Variants in PDE4B observed in about 807,000 individuals in gnomAD.
The protein encoded by PDE4B is phosphodiesterase 4B.
A neutral mutation model predicts 82.2 loss-of-function variants in PDE4B; 20 were observed. The observed-to-expected ratio is 0.24, with a 90% CI of 0.17 to 0.35. The LOEUF (loss-of-function observed/expected upper bound fraction) is 0.35. Among genes scored for constraint, PDE4B ranks in the 10% least tolerant of loss-of-function variants. PDE4B has a pLI of 1.00. For missense variants in PDE4B, 655 were observed against 907.2 expected (o/e 0.72, Z 3.57); for synonymous variants, 320 against 318.9 (o/e 1.00, Z -0.04).
chr1:65,910,064 G>A (rs924392575), intron 1 of PDE4B, among the ~76,000 whole-genome samples: 1 of 152,160 alleles, frequency 6.6e-6, no homozygotes, highest in Admixed American at 6.5e-5. Flanking sequence ...ATGCCTTTGG[G>A]CAGGCTTCAT....
chr1:66,271,388 C>A lies in PDE4B; in HGVS notation c.634+5301C>A, dbSNP rs560346033. ...ACTGCTGAGAAACAACATCCACCCA[C>A]CCTCCCCTTGAAAGTTGGAATCATG... On this transcript the variant is annotated intron_variant, in intron 7 of 16. Transcript: ENST00000341517. Among the ~76,000 whole-genome samples, 7 of 152,350 alleles carry A rather than the reference C, an allele frequency of 4.6e-5. No individual in the cohort carries two copies. The South Asian group carries it at 1.4e-3, about 32-fold the overall frequency.
intron 3 of PDE4B, among the ~76,000 whole-genome samples, chr1:66,033,968 C>T (rs1189704165): frequency 6.6e-6 from 1 of 152,156 alleles, no homozygotes; most frequent in African/African-American, 2.4e-5. Context: ...ATACAGGTCT[C>T]AGCCACACCC....
At chr1:66,227,130 G>T (rs1180860458) in intron 3 of PDE4B, among the ~76,000 whole-genome samples, 2 of 152,228 alleles carry the variant, frequency 1.3e-5, no homozygotes, top group Non-Finnish European at 2.9e-5. Flanking sequence ...GTTGGGAAAA[G>T]AAATAATTCT....
chr1:66,099,940 C>T, intron 3 of PDE4B, among the ~76,000 whole-genome samples: 1 of 152,116 alleles, frequency 6.6e-6, no homozygotes. Context: ...TCAAGCCCTT[C>T]CTTTAACATC....
intron 3 of PDE4B, among the ~76,000 whole-genome samples, chr1:66,170,111 G>T (rs2101330198): frequency 6.6e-6 from 1 of 152,290 alleles, no homozygotes; most frequent in South Asian, 2.1e-4. Context: ...AAGTCCCTAG[G>T]TGTGGGATAT....
chr1:66,288,179 C>A (rs189187741), intron 7 of PDE4B, among the ~76,000 whole-genome samples: 2 of 151,964 alleles, frequency 1.3e-5, no homozygotes, highest in Non-Finnish European at 2.9e-5. Flanking sequence ...GAAGGGGAAG[C>A]AGGCATGACA....
In PDE4B at chr1:65,924,032, G is replaced by A. The variant is rs570726213; in HGVS notation, c.281+5197G>A. ...ATTTTTTTCTCATTTTGTCTTTCTG[G>A]GCTGCATTCTGATAATTGTTTCTAA... On this transcript the variant is annotated intron_variant, in intron 3 of 16. Transcript: ENST00000341517. Among the ~76,000 whole-genome samples, 8 of 147,882 alleles carry A rather than the reference G, an allele frequency of 5.4e-5. No individual in the cohort carries two copies. The East Asian group carries it at 1.6e-3, about 29-fold the overall frequency.
chr1:65,886,827 C>T (rs763582174), intron 1 of PDE4B, among the ~76,000 whole-genome samples: 9 of 152,076 alleles, frequency 5.9e-5, no homozygotes, highest in South Asian at 4.1e-4. Context: ...AACAATGCAG[C>T]GATAAACATG....
At chr1:66,060,277 T>A (rs890271070) in intron 3 of PDE4B, among the ~76,000 whole-genome samples, 7 of 152,196 alleles carry the variant, frequency 4.6e-5, no homozygotes, top group African/African-American at 1.4e-4. Flanking sequence ...CTTTCGGTAT[T>A]GTGCAAAAAG....
chr1:65,963,444 A>AC (rs1405891559), intron 3 of PDE4B, among the ~76,000 whole-genome samples: 1 of 152,100 alleles, frequency 6.6e-6, no homozygotes, highest in Non-Finnish European at 1.5e-5. Context: ...CCCTCATTGC[A>AC]CCCCTGCAGC....
chr1:66,158,432 G>A (rs575083113), intron 3 of PDE4B, among the ~76,000 whole-genome samples: 1 of 152,230 alleles, frequency 6.6e-6, no homozygotes, highest in African/African-American at 2.4e-5. Flanking sequence ...ATCACTAATT[G>A]TCAGGGAAAT....
intron 3 of PDE4B, among the ~76,000 whole-genome samples, chr1:66,086,310 C>G (rs1340295309): frequency 6.6e-6 from 1 of 152,206 alleles, no homozygotes; most frequent in East Asian, 1.9e-4. Flanking sequence ...TAAAATTCCT[C>G]GAAGAGCACG....
intron 3 of PDE4B, among the ~76,000 whole-genome samples, chr1:66,235,681 A>G (rs1339043598): frequency 1.3e-5 from 2 of 152,206 alleles, no homozygotes; most frequent in Admixed American, 6.5e-5. Flanking sequence ...TGATGTTTAG[A>G]CCATTTACAT....
chr1:66,369,252 T>C (rs1035740255), intron 16 of PDE4B, among the ~76,000 whole-genome samples: 1 of 152,200 alleles, frequency 6.6e-6, no homozygotes, highest in African/African-American at 2.4e-5. Context: ...AGCTGAATAA[T>C]ATGAACATCA....
chr1:65,800,503 A>G (rs1228724148), intron 1 of PDE4B, among the ~76,000 whole-genome samples: 1 of 152,238 alleles, frequency 6.6e-6, no homozygotes, highest in Non-Finnish European at 1.5e-5. Context: ...CCTGAGTTCC[A>G]GTGCTGCTAT....
chr1:65,999,026 A>T (rs557963054), intron 3 of PDE4B, among the ~76,000 whole-genome samples: 1 of 152,252 alleles, frequency 6.6e-6, no homozygotes, highest in East Asian at 1.9e-4. Context: ...AGTGTCATCA[A>T]GTCTTCAATA....
chr1:65,911,832 G>T (rs1647095641), intron 1 of PDE4B, among the ~76,000 whole-genome samples: 1 of 151,998 alleles, frequency 6.6e-6, no homozygotes, highest in Non-Finnish European at 1.5e-5. Context: ...TATCTACTTT[G>T]TCAGTTTCAC....
intron 3 of PDE4B, among the ~76,000 whole-genome samples, chr1:66,246,911 T>C (rs1653355225): frequency 6.6e-6 from 1 of 152,248 alleles, no homozygotes; most frequent in South Asian, 2.1e-4. Context: ...GGGCCTCCCA[T>C]CTAATAACCC....
chr1:66,036,248 C>A (rs188299696), intron 3 of PDE4B, among the ~76,000 whole-genome samples: 116 of 152,210 alleles, frequency 7.6e-4, no homozygotes, highest in African/African-American at 2.5e-3. Flanking sequence ...ATATGATTTG[C>A]AAATATTTTC....
Sources: gnomAD v4.1 joint callset for allele counts (sites outside exome capture counted in the v4.1 genomes callset) on GRCh38, gnomAD v4.1.1 for gene constraint, MANE v1.5 for transcripts, NCBI Gene and HGNC (gene_info 2026-07-23, HGNC 2026-07-21) for gene names.